MED13L: variants seen among roughly 807,000 people sequenced by gnomAD.
The protein encoded by MED13L is mediator complex subunit 13L.
Under a neutral mutation model 220.9 loss-of-function variants are expected in MED13L, and 7 were observed. The ratio of observed to expected loss-of-function variants is 0.03; its 90% confidence interval spans 0.02 to 0.06. The LOEUF is 0.06. Ranked by LOEUF, MED13L falls within the 10% of genes least tolerant of loss-of-function variation. The pLI, the probability that MED13L is intolerant of heterozygous loss-of-function variation, is 1.00. For synonymous variants in MED13L, 1,011 were observed against 1,015.2 expected (o/e 1.00, Z 0.08); for missense variants, 1,965 against 2,760.5 (o/e 0.71, Z 6.46).
At chr12:116,247,722 C>T (rs1476680074) in intron 1 of MED13L, among the ~76,000 whole-genome samples, 1 of 152,132 alleles carries the variant, frequency 6.6e-6, no homozygotes, top group Non-Finnish European at 1.5e-5. Flanking sequence ...TGCATATGTG[C>T]TGATTCATAA....
At chr12:116,188,648 T>C (rs1371089190) in intron 2 of MED13L, among the ~76,000 whole-genome samples, 1 of 152,138 alleles carries the variant, frequency 6.6e-6, no homozygotes, top group Admixed American at 6.5e-5. Context: ...ACAACCAGCA[T>C]ATTGACACTG....
At chr12:116,095,541 G>C (rs1332941876) in intron 4 of MED13L, among the ~76,000 whole-genome samples, 1 of 152,188 alleles carries the variant, frequency 6.6e-6, no homozygotes, top group African/African-American at 2.4e-5. Flanking sequence ...AACTAGGAAA[G>C]TTAAGCAAGC....
intron 11 of MED13L, chr12:116,006,902 C>T (rs1879081621): frequency 4.8e-6 from 1 of 209,700 alleles, no homozygotes; most frequent in South Asian, 8.3e-5. Context: ...TTAAAGACAG[C>T]AGACACAACC....
At chr12:115,980,678 G>T in intron 23 of MED13L, 72 bp downstream of exon 23, 1 of 1,502,678 alleles carries the variant, frequency 6.7e-7, no homozygotes, top group Non-Finnish European at 9.2e-7. Context: ...CAATCTCTGG[G>T]TTAGATAAAA....
At chr12:116,007,224 G>A in intron 11 of MED13L, 187 bp downstream of exon 11, 1 of 648,904 alleles carries the variant, frequency 1.5e-6, no homozygotes, top group South Asian at 1.8e-5. Flanking sequence ...TTTAAACAAA[G>A]GTGAGCCATG....
chr12:116,033,579 T>TA (rs896744682), intron 4 of MED13L, among the ~76,000 whole-genome samples: 9 of 151,788 alleles, frequency 5.9e-5, no homozygotes, highest in East Asian at 1.9e-4. Context: ...AGAATTAAAG[T>TA]AAAAAAAAGA....
chr12:116,220,685 C>A (rs576443486), intron 2 of MED13L, among the ~76,000 whole-genome samples: 1 of 152,072 alleles, frequency 6.6e-6, no homozygotes, highest in Non-Finnish European at 1.5e-5. Context: ...GGCAACAGAG[C>A]GAGACTCTGT....
At chr12:116,108,406 T>TGGGGGG (rs1565881144) in intron 3 of MED13L, among the ~76,000 whole-genome samples, 1 of 16,126 alleles carries the variant, frequency 6.2e-5, no homozygotes, top group Non-Finnish European at 1.3e-4. Context: ...GGGGGGCGCG[T>TGGGGGG]GGGGGGTGGG....
At chr12:116,035,658 A>G (rs1881145335) in intron 4 of MED13L, among the ~76,000 whole-genome samples, 1 of 152,118 alleles carries the variant, frequency 6.6e-6, no homozygotes, top group Non-Finnish European at 1.5e-5. Flanking sequence ...TGGCGCGATC[A>G]TGACTCACTG....
intron 4 of MED13L, among the ~76,000 whole-genome samples, chr12:116,093,785 G>A (rs1872442732): frequency 6.6e-6 from 1 of 151,954 alleles, no homozygotes; most frequent in African/African-American, 2.4e-5. Context: ...CATTTAATTT[G>A]TTTAGCACTG....
chr12:116,187,287 G>C lies in MED13L; in HGVS notation c.310+50181C>G, dbSNP rs918857218. Among the ~76,000 whole-genome samples, 13 of 152,142 alleles carry C rather than the reference G, an allele frequency of 8.5e-5. No individual in the cohort carries two copies. In the East Asian group the frequency reaches 1.7e-3, roughly 20 times the overall value. On this transcript the variant is annotated intron_variant, in intron 2 of 30. Transcript: ENST00000281928. ...TGTTCTTTGGTTTGAGAGACTACTTGACCTCTCCATGCTTCAGTTTCCTGT... is the reference window on the plus strand; with the variant it reads ...TGTTCTTTGGTTTGAGAGACTACTTCACCTCTCCATGCTTCAGTTTCCTGT...
intron 2 of MED13L, among the ~76,000 whole-genome samples, chr12:116,144,224 AT>A (rs749551053): frequency 2.6e-5 from 4 of 152,204 alleles, no homozygotes; most frequent in Admixed American, 6.5e-5. Context: ...ACCTTTCCTC[AT>A]TACTAAATGA....
intron 4 of MED13L, among the ~76,000 whole-genome samples, chr12:116,090,720 C>T (rs567144213): frequency 7.2e-5 from 11 of 152,234 alleles, no homozygotes; most frequent in South Asian, 2.1e-4. Flanking sequence ...TCCGGATGAA[C>T]GGTCTATTGA....
intron 2 of MED13L, among the ~76,000 whole-genome samples, chr12:116,171,574 C>A (rs1879682320): frequency 6.6e-6 from 1 of 152,182 alleles, no homozygotes; most frequent in African/African-American, 2.4e-5. Flanking sequence ...ATCCCAACCA[C>A]CTTCCTCTTG....
rs1175108000 is a variant in MED13L, at chr12:116,232,397, A to T, written c.310+5071T>A. 4.6e-5 allele frequency among the ~76,000 whole-genome samples: 7 copies of T among 152,350 alleles called. No individual in the cohort carries two copies. The South Asian group carries it at 1.2e-3, about 27-fold the overall frequency. On this transcript the variant is annotated intron_variant, in intron 2 of 30. Transcript: ENST00000281928. ...ATATTTAGTGCTAAATATTTGTGGT[A>T]GAAAATATACCCCAAAAATTGGCTA...
At chr12:116,161,433 T>C (rs1878846945) in intron 2 of MED13L, among the ~76,000 whole-genome samples, 1 of 152,122 alleles carries the variant, frequency 6.6e-6, no homozygotes, top group African/African-American at 2.4e-5. Context: ...TCTTTTTACT[T>C]TGATTAAATT....
At chr12:115,989,611 T>C (rs1877922686) in intron 17 of MED13L, among the ~76,000 whole-genome samples, 1 of 152,122 alleles carries the variant, frequency 6.6e-6, no homozygotes, top group South Asian at 2.1e-4. Context: ...CCTGGATATA[T>C]CAAAAGGGAT....
rs1156447651 is a variant in MED13L at position 116,244,061 on chromosome 12, T to TA, written c.73-6357dup. Among the ~76,000 whole-genome samples the TA allele has an allele frequency of 9.2e-5, 14 of 152,298 alleles. 1 individual carries two copies. Among genetic ancestry groups the TA allele is most frequent in the Admixed American group, 7.8e-4 (12 of 15,304 alleles). ...CCTCAGAAGTACAAACCAATTAGTT[T>TA]AACGTATCCATCCTGGGCAGGATTC... On this transcript the variant is annotated intron_variant, in intron 1 of 30. Coordinates refer to ENST00000281928, the MANE Select transcript of MED13L (RefSeq NM_015335.5).
intron 25 of MED13L, among the ~76,000 whole-genome samples, chr12:115,974,491 A>T (rs750211709): frequency 2.1e-4 from 32 of 152,260 alleles, no homozygotes; most frequent in Non-Finnish European, 4.0e-4. Context: ...TTGGGATAGT[A>T]AATGAGCTGG....
Sources: gnomAD v4.1 joint callset for allele counts (sites outside exome capture counted in the v4.1 genomes callset) on GRCh38, gnomAD v4.1.1 for gene constraint, MANE v1.5 for transcripts, NCBI Gene and HGNC (gene_info 2026-07-23, HGNC 2026-07-21) for gene names.